RAPGEF5: variants seen among roughly 807,000 people sequenced by gnomAD.
The protein encoded by RAPGEF5 is M-Ras-regulated GEF.
A neutral mutation model predicts 125.2 loss-of-function variants in RAPGEF5; 65 were observed. The ratio of observed to expected loss-of-function variants is 0.52; its 90% CI spans 0.43 to 0.64. RAPGEF5 has a LOEUF of 0.64. Among genes scored for constraint, RAPGEF5 ranks in the 30% least tolerant of loss-of-function variants. RAPGEF5 has a pLI of 0.00. For synonymous variants in RAPGEF5, 391 were observed against 385.9 expected (o/e 1.01, Z -0.16); for missense variants, 958 against 1,048.1 (o/e 0.91, Z 1.19).
chr7:22,155,962 G>C (rs1043693829), intron 16 of RAPGEF5, among the ~76,000 whole-genome samples: 3 of 152,200 alleles, frequency 2.0e-5, no homozygotes, highest in Non-Finnish European at 4.4e-5. Flanking sequence ...AATGAATTAG[G>C]AAGTTAGATA....
At chr7:22,247,263 A>G (rs981666871) in intron 7 of RAPGEF5, among the ~76,000 whole-genome samples, 2 of 152,234 alleles carry the variant, frequency 1.3e-5, no homozygotes, top group African/African-American at 4.8e-5. Context: ...GTTCTGCCAA[A>G]AAGACACATG....
chr7:22,192,035 A>C (rs910304392), intron 11 of RAPGEF5: 2 of 175,442 alleles, frequency 1.1e-5, no homozygotes, highest in Non-Finnish European at 2.5e-5. Flanking sequence ...TGTGTAAAGC[A>C]GTCTGGTAAT....
intron 11 of RAPGEF5, among the ~76,000 whole-genome samples, chr7:22,191,013 C>T (rs1438720388): frequency 6.6e-6 from 1 of 152,136 alleles, no homozygotes; most frequent in African/African-American, 2.4e-5. Flanking sequence ...CATTTTCCTC[C>T]ATCTGTCCTC....
chr7:22,133,876 T>A (rs1583393155), intron 23 of RAPGEF5, among the ~76,000 whole-genome samples: 1 of 152,160 alleles, frequency 6.6e-6, no homozygotes, highest in East Asian at 1.9e-4. Context: ...AGAGGAAGAT[T>A]GAGGGCTGGA....
At chr7:22,205,787 T>A (rs1785383254) in intron 9 of RAPGEF5, among the ~76,000 whole-genome samples, 1 of 152,218 alleles carries the variant, frequency 6.6e-6, no homozygotes, top group African/African-American at 2.4e-5. Context: ...AGAGAAACAA[T>A]TCCAAATATT....
At chr7:22,160,706 TAAGGAGGGATTCAGGACAATGTACGGG>T (rs1562728250) in intron 13 of RAPGEF5, 91 bp from the exon 14 acceptor site, 4 of 1,372,828 alleles carry the variant, frequency 2.9e-6, no homozygotes. Context: ...ACACAGGAAA[TAAGGAGGGATTCAGGACAATGTACGGG>T]TTTCACCAGG....
chr7:22,225,473 C>T (rs1403460250), intron 8 of RAPGEF5, among the ~76,000 whole-genome samples: 2 of 152,190 alleles, frequency 1.3e-5, no homozygotes, highest in African/African-American at 4.8e-5. Flanking sequence ...GTTATGAATG[C>T]TTCTTCATTC....
intron 5 of RAPGEF5, among the ~76,000 whole-genome samples, chr7:22,301,674 T>C (rs1000458032): frequency 6.6e-6 from 1 of 151,162 alleles, no homozygotes. Context: ...ATTTCAGTTC[T>C]ATTGTTAAAT....
intron 11 of RAPGEF5, among the ~76,000 whole-genome samples, chr7:22,174,640 G>T (rs779896826): frequency 3.9e-5 from 6 of 152,194 alleles, no homozygotes; most frequent in Non-Finnish European, 5.9e-5. Flanking sequence ...TAAAGCTAAA[G>T]AAATAGGTTG....
intron 7 of RAPGEF5, among the ~76,000 whole-genome samples, chr7:22,251,266 G>C (rs1786611074): frequency 6.6e-6 from 1 of 152,092 alleles, no homozygotes; most frequent in Non-Finnish European, 1.5e-5. Flanking sequence ...ATAAATCATA[G>C]ACAATGCCAC....
At chr7:22,226,275 C>T (rs1785915985) in intron 8 of RAPGEF5, among the ~76,000 whole-genome samples, 1 of 152,060 alleles carries the variant, frequency 6.6e-6, no homozygotes, top group Non-Finnish European at 1.5e-5. Flanking sequence ...TATGTAATAT[C>T]TTAATTTCAT....
At chr7:22,178,686 C>G (rs1011193360) in intron 11 of RAPGEF5, among the ~76,000 whole-genome samples, 1 of 152,198 alleles carries the variant, frequency 6.6e-6, no homozygotes, top group East Asian at 1.9e-4. Flanking sequence ...GGTTCACTAT[C>G]TTCATGGCAC....
intron 24 of RAPGEF5, among the ~76,000 whole-genome samples, chr7:22,128,413 C>G (rs1438059257): frequency 6.6e-6 from 1 of 152,148 alleles, no homozygotes. Flanking sequence ...AAAGATAATA[C>G]ACTGAATTAT....
chr7:22,133,997 T>C (rs192603551), intron 23 of RAPGEF5, among the ~76,000 whole-genome samples: 107 of 152,268 alleles, frequency 7.0e-4, no homozygotes, highest in Admixed American at 2.2e-3. Flanking sequence ...AGGAGTTCAA[T>C]TTGGTCCCAT....
intron 9 of RAPGEF5, among the ~76,000 whole-genome samples, chr7:22,197,777 A>C (rs1043274593): frequency 1.1e-4 from 17 of 152,104 alleles, no homozygotes; most frequent in Non-Finnish European, 8.8e-5. Flanking sequence ...GACATTTCAC[A>C]GACACTCAAT....
rs117115717 is a variant in RAPGEF5 at position 22,301,916 on chromosome 7, C to T, written c.680+6423G>A. On this transcript the variant is annotated intron_variant, in intron 5 of 25. Coordinates refer to ENST00000665637, the MANE Select transcript of RAPGEF5 (RefSeq NM_012294.5). ...GCTCCCAGGTATCACTTGTGGCACA[C>T]GACTTGCCAGCTTGTTATCTGTATG... Among the ~76,000 whole-genome samples the T allele has an allele frequency of 2.2e-3, 334 of 152,276 alleles. 2 individuals are homozygous for T. The highest frequency in any genetic ancestry group is 0.018 in the East Asian group (95 of 5,186).
intron 11 of RAPGEF5, among the ~76,000 whole-genome samples, chr7:22,171,956 A>C (rs1464828531): frequency 6.6e-6 from 1 of 152,230 alleles, no homozygotes; most frequent in Non-Finnish European, 1.5e-5. Flanking sequence ...CAAGTAAAAA[A>C]GTAACATCTT....
intron 1 of RAPGEF5, among the ~76,000 whole-genome samples, chr7:22,346,634 G>T (rs1784230220): frequency 6.6e-6 from 1 of 152,184 alleles, no homozygotes; most frequent in African/African-American, 2.4e-5. Flanking sequence ...GCAGGTAAAT[G>T]ATTTGACAAG....
Position 22,356,097 on chromosome 7 carries a change from C to T in RAPGEF5, c.231+733G>A, listed in dbSNP as rs907849570. The stretch of plus-strand genomic sequence containing the variant: ...AGATCCCAGGAGACAATCAGCAGAC[C>T]TTCCTGCTTCTCTTAAAAATACAAA... On this transcript the variant is annotated intron_variant, in intron 1 of 25. Transcript: ENST00000665637. The T allele has an allele frequency of 8.7e-5, 86 of 985,306 alleles. No individual in the cohort carries two copies. In the African/African-American group the frequency reaches 1.4e-3, roughly 16 times the overall value. The allele number at this position is 985,306 out of a possible 1,614,324, so 61.0% of individuals were successfully genotyped here.
Sources: allele counts gnomAD v4.1 joint callset (sites outside exome capture counted in the v4.1 genomes callset), GRCh38; gene constraint gnomAD v4.1.1; transcripts MANE v1.5; gene names NCBI Gene and HGNC (gene_info 2026-07-23, HGNC 2026-07-21).